Variants in MID1 observed in about 807,000 individuals in gnomAD.
The protein encoded by MID1 is midline 1, also known as E3 ubiquitin-protein ligase Midline-1.
Under a neutral mutation model 40.4 loss-of-function variants are expected in MID1, and 7 were observed. The observed-to-expected ratio is 0.17, with a 90% CI of 0.10 to 0.33. The LOEUF (loss-of-function observed/expected upper bound fraction) is 0.33. Among genes scored for constraint, MID1 ranks in the 10% least tolerant of loss-of-function variants. The pLI is 1.00. For synonymous variants in MID1, 229 were observed against 221.2 expected (o/e 1.04, Z -0.31); for missense variants, 367 against 558.5 (o/e 0.66, Z 3.46).
At chrX:10,556,444 A>G (rs1032190927) in intron 2 of MID1, among the ~76,000 whole-genome samples, 1 of 112,064 alleles carries the variant, frequency 8.9e-6, no homozygotes, top group Admixed American at 9.5e-5. Flanking sequence ...TGGTTTAGAA[A>G]GGACAAATCA....
chrX:10,725,987 T>C (rs976283485), intron 1 of MID1, among the ~76,000 whole-genome samples: 3 of 112,749 alleles, frequency 2.7e-5, no homozygotes, highest in Admixed American at 9.4e-5. Context: ...AGATGTTCTA[T>C]ATTTCTTGAC....
At chrX:10,644,163 T>TA (rs922903543) in intron 1 of MID1, among the ~76,000 whole-genome samples, 2 of 111,570 alleles carry the variant, frequency 1.8e-5, no homozygotes, top group Non-Finnish European at 3.8e-5. Context: ...ATAAAAATAA[T>TA]AAAAAAACAG....
chrX:10,501,751 T>G (rs1417988263), intron 3 of MID1, among the ~76,000 whole-genome samples: 2 of 111,619 alleles, frequency 1.8e-5, no homozygotes, highest in Non-Finnish European at 3.8e-5. Context: ...TTACCTTCCC[T>G]TTCTAGAAAT....
chrX:10,446,700 G>GC lies in MID1; in HGVS notation c.*2667dup, dbSNP rs1928053650. The GC allele has an allele frequency of 8.9e-6, 1 of 112,065 alleles. No homozygotes were observed. The allele number at this position is 112,065 out of a possible 1,213,427, so 9.2% of individuals were successfully genotyped here. A position where few individuals can be genotyped will look rare whatever the true frequency, so the allele number is the denominator to read the frequency against. On this transcript the variant is annotated 3_prime_UTR_variant, in exon 10 of 10. Transcript: ENST00000317552. ...GGCCCAGTGCGAAGTGAAAACGCAG[G>GC]CCCCTTGTTCAAAAATTGTTAAGAA...
At position 10,774,912 on chromosome X, in the gene MID1, T is replaced by C. The variant is rs1031444121; in HGVS notation, c.-187+58642A>G. Among the ~76,000 whole-genome samples, 3 of 111,590 alleles carry C rather than the reference T, an allele frequency of 2.7e-5. No individual in the cohort carries two copies. The Admixed American group carries it at 2.9e-4, about 11-fold the overall frequency. The stretch of plus-strand genomic sequence containing the variant: ...GTCCACTTCAAATCTCAATAGCATT[T>C]ATTTTCTTTGATAAAGTGATTCTAA... On this transcript the variant is annotated intron_variant, in intron 1 of 10. Transcript: ENST00000380785.
intron 1 of MID1, among the ~76,000 whole-genome samples, chrX:10,811,622 G>A (rs1300669804): frequency 4.5e-5 from 5 of 111,807 alleles, no homozygotes; most frequent in African/African-American, 1.3e-4. Context: ...CAGGTCCAGA[G>A]GAAGAGAGAA....
At chrX:10,597,914 T>C (rs1384320231) in intron 1 of MID1, among the ~76,000 whole-genome samples, 4 of 111,813 alleles carry the variant, frequency 3.6e-5, no homozygotes, top group African/African-American at 9.7e-5. Flanking sequence ...ATATCTGCCA[T>C]GTTCTTACTA....
At chrX:10,639,301 G>T (rs938900532) in intron 1 of MID1, among the ~76,000 whole-genome samples, 3 of 111,702 alleles carry the variant, frequency 2.7e-5, no homozygotes, top group Admixed American at 9.6e-5. Flanking sequence ...AGAATAAACA[G>T]TGTAGAGAAG....
chrX:10,465,158 T>C lies in MID1; in HGVS notation c.1285+4539A>G, dbSNP rs1487333119. 4.1e-5 allele frequency among the ~76,000 whole-genome samples: 4 copies of C among 96,857 alleles called. No individual in the cohort carries two copies. The Admixed American group carries it at 4.7e-4, about 11-fold the overall frequency. The allele number at this position is 96,857 out of a possible 115,157, so 84.1% of individuals were successfully genotyped here. The stretch of plus-strand genomic sequence containing the variant: ...GAGATCATGACACTGCACTCCAGCC[T>C]GGGCAGCAGAGCAAGACTGTCTGAA... On this transcript the variant is annotated intron_variant, in intron 7 of 9. Transcript: ENST00000317552.
chrX:10,744,115 G>T (rs191304939), intron 1 of MID1, among the ~76,000 whole-genome samples: 4 of 111,543 alleles, frequency 3.6e-5, no homozygotes, highest in East Asian at 2.8e-4. Context: ...ATGGCCAGAG[G>T]GGGTGTGAGC....
At chrX:10,795,690 GA>G (rs1254290931) in intron 1 of MID1, among the ~76,000 whole-genome samples, 1 of 112,237 alleles carries the variant, frequency 8.9e-6, no homozygotes, top group Non-Finnish European at 1.9e-5. Flanking sequence ...GGAAACCAAT[GA>G]AAAAACAAGT....
intron 6 of MID1, among the ~76,000 whole-genome samples, chrX:10,472,233 G>A (rs1266736317): frequency 3.6e-5 from 4 of 112,456 alleles, no homozygotes; most frequent in African/African-American, 1.3e-4. Context: ...AGCATCATAT[G>A]TTATGGTCAG....
intron 1 of MID1, among the ~76,000 whole-genome samples, chrX:10,640,304 T>C (rs1162838603): frequency 3.6e-5 from 4 of 110,692 alleles, no homozygotes; most frequent in African/African-American, 9.9e-5. Context: ...AGGCTCAAAA[T>C]AAAGGGATGG....
At chrX:10,449,802 A>G in intron 9 of MID1, 86 bp from the exon 10 acceptor site, 3 of 688,842 alleles carry the variant, frequency 4.4e-6, no homozygotes, top group Non-Finnish European at 6.9e-6. Flanking sequence ...CAGGGGTTAT[A>G]AAAACATGAT....
At chrX:10,527,079 A>C (rs1262034525) in intron 2 of MID1, among the ~76,000 whole-genome samples, 1 of 112,163 alleles carries the variant, frequency 8.9e-6, no homozygotes, top group Non-Finnish European at 1.9e-5. Flanking sequence ...TTTGATTGTG[A>C]CTTGTGCAAA....
At chrX:10,488,255 A>C (rs1449615642) in intron 4 of MID1, among the ~76,000 whole-genome samples, 2 of 111,436 alleles carry the variant, frequency 1.8e-5, no homozygotes, top group African/African-American at 6.5e-5. Flanking sequence ...AAGTGCTGGG[A>C]TTACAGGTGT....
intron 1 of MID1, among the ~76,000 whole-genome samples, chrX:10,637,868 G>C (rs1195274355): frequency 9.0e-6 from 1 of 111,580 alleles, no homozygotes; most frequent in Non-Finnish European, 1.9e-5. Context: ...TAGGTAAGAT[G>C]TTCATAACAG....
chrX:10,514,600 C>T lies in MID1; in HGVS notation c.756+8492G>A, dbSNP rs150652842. Among the ~76,000 whole-genome samples the T allele has an allele frequency of 4.7e-3, 523 of 112,233 alleles. 2 individuals carry two copies. Among genetic ancestry groups the T allele is most frequent in the African/African-American group, 0.015 (476 of 30,904 alleles). On this transcript the variant is annotated intron_variant, in intron 3 of 9. Coordinates refer to ENST00000317552, the MANE Select transcript of MID1 (RefSeq NM_000381.4). Reference sequence around the variant, plus strand: ...ATTTTAGTAAACTTGGTAGAGTAAACTGTTTCAACTGTCTTACTATTGCAT... The same window carrying T: ...ATTTTAGTAAACTTGGTAGAGTAAATTGTTTCAACTGTCTTACTATTGCAT...
intron 9 of MID1, among the ~76,000 whole-genome samples, chrX:10,451,939 A>G (rs747972942): frequency 1.8e-5 from 2 of 111,793 alleles, no homozygotes; most frequent in African/African-American, 3.3e-5. Context: ...AAAGGTTTTC[A>G]TTTTGCAATT....
Sources: allele counts gnomAD v4.1 joint callset (sites outside exome capture counted in the v4.1 genomes callset), GRCh38; gene constraint gnomAD v4.1.1; transcripts MANE v1.5; gene names NCBI Gene and HGNC (gene_info 2026-07-23, HGNC 2026-07-21).